Variants in SYT1 observed in about 807,000 individuals in gnomAD.
The protein encoded by SYT1 is synaptotagmin-1.
SYT1 carries 8 observed loss-of-function variants against 44.8 expected under a neutral mutation model. The observed-to-expected ratio is 0.18, with a 90% CI of 0.10 to 0.32. The LOEUF is 0.32. Among genes scored for constraint, SYT1 ranks in the 10% least tolerant of loss-of-function variants. SYT1 has a pLI of 1.00. For missense variants in SYT1, 286 were observed against 509.3 expected (o/e 0.56, Z 4.22); for synonymous variants, 154 against 188.8 (o/e 0.82, Z 1.51).
chr12:79,247,616 C>G (rs1039809610), intron 4 of SYT1, among the ~76,000 whole-genome samples: 1 of 152,148 alleles, frequency 6.6e-6, no homozygotes, highest in African/African-American at 2.4e-5. Flanking sequence ...TTAGCAACCA[C>G]CTACACATTG....
At chr12:79,274,507 T>G (rs781245678) in intron 4 of SYT1, among the ~76,000 whole-genome samples, 6 of 152,174 alleles carry the variant, frequency 3.9e-5, no homozygotes, top group Admixed American at 2.0e-4. Flanking sequence ...ATTACCCCAG[T>G]GGCCAGGAAA....
At chr12:79,381,362 A>C (rs1302026315) in intron 9 of SYT1, among the ~76,000 whole-genome samples, 1 of 152,290 alleles carries the variant, frequency 6.6e-6, no homozygotes, top group South Asian at 2.1e-4. Context: ...TTGTTATCAG[A>C]TCCCCTTGAA....
intron 4 of SYT1, among the ~76,000 whole-genome samples, chr12:79,218,251 A>G (rs1874935293): frequency 6.6e-6 from 1 of 152,198 alleles, no homozygotes; most frequent in Non-Finnish European, 1.5e-5. Flanking sequence ...TTACACTGAC[A>G]GATAAAATCA....
At chr12:78,927,630 A>T (rs1409779145) in intron 1 of SYT1, among the ~76,000 whole-genome samples, 4 of 152,106 alleles carry the variant, frequency 2.6e-5, no homozygotes, top group Admixed American at 1.3e-4. Flanking sequence ...TATCCTAATG[A>T]CTTTATTTTC....
At chr12:79,380,946 G>A (rs1170503458) in intron 9 of SYT1, among the ~76,000 whole-genome samples, 1 of 152,150 alleles carries the variant, frequency 6.6e-6, no homozygotes, top group Non-Finnish European at 1.5e-5. Flanking sequence ...GCAAGCCCAG[G>A]AAAGAGAATT....
At chr12:78,918,366 A>T (rs1010187312) in intron 1 of SYT1, among the ~76,000 whole-genome samples, 4 of 152,040 alleles carry the variant, frequency 2.6e-5, no homozygotes, top group African/African-American at 4.8e-5. Flanking sequence ...TAAAACTGCC[A>T]GCATCAGTTC....
At chr12:79,211,119 CTT>C (rs1449877438) in intron 3 of SYT1, among the ~76,000 whole-genome samples, 1 of 152,040 alleles carries the variant, frequency 6.6e-6, no homozygotes, top group East Asian at 1.9e-4. Context: ...AAGGCTAACA[CTT>C]TGTAATGCAT....
At chr12:79,280,890 G>GA (rs1010151775) in intron 4 of SYT1, among the ~76,000 whole-genome samples, 2 of 149,992 alleles carry the variant, frequency 1.3e-5, no homozygotes, top group Non-Finnish European at 3.0e-5. Context: ...ACAAACATAT[G>GA]AAAAAAATGC....
At chr12:79,085,049 T>A (rs192932192) in intron 3 of SYT1, among the ~76,000 whole-genome samples, 14 of 152,300 alleles carry the variant, frequency 9.2e-5, no homozygotes, top group East Asian at 7.7e-4. Flanking sequence ...CAATATTTTT[T>A]AAAATTTTTG....
At chr12:79,411,947 A>G (rs1348916528) in intron 9 of SYT1, among the ~76,000 whole-genome samples, 3 of 152,110 alleles carry the variant, frequency 2.0e-5, no homozygotes, top group East Asian at 1.9e-4. Flanking sequence ...TCATTCCACA[A>G]TTTAACCAAC....
chr12:78,873,018 T>G (rs1873899139), intron 1 of SYT1, among the ~76,000 whole-genome samples: 1 of 151,774 alleles, frequency 6.6e-6, no homozygotes, highest in Admixed American at 6.6e-5. Context: ...CTTTATTTTC[T>G]ATTTTGCCAT....
chr12:78,909,487 G>GA (rs1284406460), intron 1 of SYT1, among the ~76,000 whole-genome samples: 22 of 151,672 alleles, frequency 1.5e-4, no homozygotes, highest in African/African-American at 1.9e-4. Flanking sequence ...TATCCATAGG[G>GA]AAAAAAATCC....
chr12:78,993,511 T>C (rs1870160034), intron 2 of SYT1, among the ~76,000 whole-genome samples: 1 of 152,218 alleles, frequency 6.6e-6, no homozygotes, highest in African/African-American at 2.4e-5. Flanking sequence ...TCAGAAATTC[T>C]GCTATTCTAC....
intron 3 of SYT1, among the ~76,000 whole-genome samples, chr12:79,150,382 T>C (rs1469999100): frequency 6.6e-6 from 1 of 152,206 alleles, no homozygotes; most frequent in African/African-American, 2.4e-5. Context: ...CTCACTTATA[T>C]ATGGACTCTT....
chr12:79,339,942 T>G (rs1251275897), intron 8 of SYT1, among the ~76,000 whole-genome samples: 2 of 152,178 alleles, frequency 1.3e-5, no homozygotes, highest in African/African-American at 4.8e-5. Flanking sequence ...TTTCCCCATT[T>G]CTTGTTTTTG....
chr12:79,171,408 C>T (rs528066639), intron 3 of SYT1, among the ~76,000 whole-genome samples: 64 of 151,970 alleles, frequency 4.2e-4, no homozygotes, highest in Middle Eastern at 3.4e-3. Context: ...GATCTTTCAC[C>T]TCCCTAGTTA....
intron 1 of SYT1, among the ~76,000 whole-genome samples, chr12:78,878,684 C>T (rs1874299890): frequency 6.6e-6 from 1 of 151,742 alleles, no homozygotes; most frequent in Non-Finnish European, 1.5e-5. Flanking sequence ...GATTCATTCA[C>T]ATGTGAGCTG....
At chr12:79,448,030 A>ATATTCTGC (rs1173797586) in intron 10 of SYT1, among the ~76,000 whole-genome samples, 2 of 152,204 alleles carry the variant, frequency 1.3e-5, no homozygotes, top group Non-Finnish European at 2.9e-5. Context: ...AAACCATCAC[A>ATATTCTGC]TATTCTGCTA....
At chr12:79,076,048 A>G (rs777716189) in intron 3 of SYT1, among the ~76,000 whole-genome samples, 2 of 152,186 alleles carry the variant, frequency 1.3e-5, no homozygotes, top group Non-Finnish European at 2.9e-5. Flanking sequence ...ATTACATTAC[A>G]GAACACAGGA....
Sources: allele counts gnomAD v4.1 joint callset (sites outside exome capture counted in the v4.1 genomes callset), GRCh38; gene constraint gnomAD v4.1.1; transcripts MANE v1.5; gene names NCBI Gene and HGNC (gene_info 2026-07-23, HGNC 2026-07-21).